PCDHGB4: variants seen among roughly 807,000 people sequenced by gnomAD.
PCDHGB4 encodes the protein protocadherin gamma-B4.
In PCDHGB4, 38 loss-of-function variants were observed where a neutral mutation model predicts 60.5. The ratio of observed to expected loss-of-function variants is 0.63; its 90% confidence interval spans 0.48 to 0.82. The LOEUF is 0.82. PCDHGB4 is among the 40% of genes least tolerant of loss of function. The pLI is 0.00. For synonymous variants in PCDHGB4, 456 were observed against 509.7 expected (o/e 0.89, Z 1.42); for missense variants, 1,109 against 1,209.6 (o/e 0.92, Z 1.23).
chr5:141,490,862 C>G lies in PCDHGB4; in HGVS notation c.2398-3945C>G. 1 of 1,613,878 alleles carries G rather than the reference C, an allele frequency of 6.2e-7. No homozygotes were observed. Among genetic ancestry groups the G allele is most frequent in the East Asian group, 2.2e-5 (1 of 44,874 alleles). ...GTGGTGGGGGTTCGAGACTCCGGCTCTCCCCCATTGCATGCCAACACATCT... is the reference window on the plus strand; with the variant it reads ...GTGGTGGGGGTTCGAGACTCCGGCTGTCCCCCATTGCATGCCAACACATCT... On this transcript the variant is annotated intron_variant, in intron 1 of 3. Coordinates refer to ENST00000519479, the MANE Select transcript of PCDHGB4 (RefSeq NM_003736.4). The surrounding 1 kb of genome is among the most constrained non-coding windows in gnomAD (Gnocchi z 5.4).
chr5:141,390,478 ATTTG>A (rs2092157792), intron 1 of PCDHGB4, 197 bp downstream of exon 1: 1 of 678,524 alleles, frequency 1.5e-6, no homozygotes, highest in Admixed American at 3.1e-5. Flanking sequence ...GTGGCCCAAC[ATTTG>A]TTTGTTTTTT....
chr5:141,451,676 G>A (rs1363843426), intron 1 of PCDHGB4, among the ~76,000 whole-genome samples: 1 of 152,142 alleles, frequency 6.6e-6, no homozygotes, highest in African/African-American at 2.4e-5. Flanking sequence ...GAGCCCAGGA[G>A]TTCAAGACCA....
chr5:141,477,059 A>T lies in PCDHGB4; in HGVS notation c.2398-17748A>T. The T allele has an allele frequency of 6.2e-7, 1 of 1,614,238 alleles. No homozygotes were observed. Among genetic ancestry groups the T allele is most frequent in the Non-Finnish European group, 8.5e-7 (1 of 1,180,036 alleles). ...CAAGGGTCGGCTGGACTTCGAGGAC[A>T]CCAAACTCCATGAGATTTACATCCA... On this transcript the variant is annotated intron_variant, in intron 1 of 3. Transcript: ENST00000519479. The surrounding 1 kb of genome is among the most constrained non-coding windows in gnomAD (Gnocchi z 4.9).
chr5:141,429,910 T>C (rs2097252047), intron 1 of PCDHGB4, among the ~76,000 whole-genome samples: 1 of 152,230 alleles, frequency 6.6e-6, no homozygotes, highest in East Asian at 1.9e-4. Context: ...TTTTGAAATA[T>C]AATGTATTAA....
chr5:141,459,939 G>A (rs377668643), intron 1 of PCDHGB4, among the ~76,000 whole-genome samples: 7 of 152,256 alleles, frequency 4.6e-5, no homozygotes, highest in Non-Finnish European at 7.4e-5. Flanking sequence ...GTAGCTGGGC[G>A]TGATGGCAGG....
intron 1 of PCDHGB4, among the ~76,000 whole-genome samples, chr5:141,455,997 A>C (rs1373055623): frequency 1.3e-5 from 2 of 151,626 alleles, no homozygotes. Context: ...TCTCGGGTTC[A>C]TGCCATTCTC....
chr5:141,428,124 C>T, intron 1 of PCDHGB4: 1 of 1,605,400 alleles, frequency 6.2e-7, no homozygotes, highest in South Asian at 1.1e-5. Context: ...CGAGCCCGGG[C>T]TTTTCAGCCT....
chr5:141,502,487 C>A (rs563658817), intron 2 of PCDHGB4, among the ~76,000 whole-genome samples: 1 of 152,182 alleles, frequency 6.6e-6, no homozygotes, highest in Non-Finnish European at 1.5e-5. Context: ...CACACTGGGA[C>A]TCATCTAACG....
intron 1 of PCDHGB4, among the ~76,000 whole-genome samples, chr5:141,448,796 T>G (rs1268643310): frequency 1.0e-4 from 15 of 150,106 alleles, no homozygotes; most frequent in Admixed American, 4.0e-4. Context: ...AAAAAAAAAA[T>G]TAGCCAGGCG....
At position 141,491,413 on chromosome 5, in the gene PCDHGB4, G is replaced by A. The variant is rs1193417991; in HGVS notation, c.2398-3394G>A. 5.6e-6 allele frequency: 9 copies of A among 1,613,946 alleles called. No individual in the cohort carries two copies. Among genetic ancestry groups the A allele is most frequent in the Non-Finnish European group, 7.6e-6 (9 of 1,179,986 alleles). On this transcript the variant is annotated intron_variant, in intron 1 of 3. Transcript: ENST00000519479. The surrounding 1 kb of genome is among the most constrained non-coding windows in gnomAD (Gnocchi z 6.9). Reference sequence around the variant, plus strand: ...CCTTCAGGGAAACGCAGACGGGGACGGGGGTGGAGGGCAGTGCTGCAGGCG... The same window carrying A: ...CCTTCAGGGAAACGCAGACGGGGACAGGGGTGGAGGGCAGTGCTGCAGGCG...
At chr5:141,395,234 T>C in intron 1 of PCDHGB4, 1 of 1,601,772 alleles carries the variant, frequency 6.2e-7, no homozygotes, top group Non-Finnish European at 8.5e-7. Flanking sequence ...CTGATCATGG[T>C]CAGGTGAGTT....
intron 1 of PCDHGB4, among the ~76,000 whole-genome samples, chr5:141,494,382 G>C (rs1311387598): frequency 6.6e-6 from 1 of 152,182 alleles, no homozygotes; most frequent in Non-Finnish European, 1.5e-5. Flanking sequence ...CCCAGCTGAG[G>C]AGTTGAATAA....
At chr5:141,499,287 C>T (rs896428388) in intron 2 of PCDHGB4, among the ~76,000 whole-genome samples, 3 of 152,184 alleles carry the variant, frequency 2.0e-5, no homozygotes, top group Non-Finnish European at 2.9e-5. Context: ...CTGATGGCTC[C>T]ACACTACCAT....
chr5:141,454,796 ATTTTTTTTTT>A (rs61612330), intron 1 of PCDHGB4, among the ~76,000 whole-genome samples: 11 of 77,458 alleles, frequency 1.4e-4, no homozygotes, highest in East Asian at 8.0e-4. Flanking sequence ...CATGGTTCTA[ATTTTTTTTTT>A]TTTTTTTTTT....
intron 1 of PCDHGB4, chr5:141,421,690 C>T: frequency 6.2e-7 from 1 of 1,613,948 alleles, no homozygotes. Context: ...GCGATTTGCT[C>T]TTCCTAATGC....
rs2154584583 is a variant in PCDHGB4, at chr5:141,490,717, A to G, written c.2398-4090A>G. The G allele has an allele frequency of 6.2e-7, 1 of 1,613,972 alleles. No individual in the cohort carries two copies. Among genetic ancestry groups the G allele is most frequent in the Non-Finnish European group, 8.5e-7 (1 of 1,179,936 alleles). On this transcript the variant is annotated intron_variant, in intron 1 of 3. Coordinates refer to ENST00000519479, the MANE Select transcript of PCDHGB4 (RefSeq NM_003736.4). The surrounding 1 kb of genome is among the most constrained non-coding windows in gnomAD (Gnocchi z 5.4). ...GGATAATGCCCGCCTCACCTACTCC[A>G]TTGTAGGAAATCAGGTTCAGGGAGC...
At chr5:141,479,200 AAAGT>A (rs1430087636) in intron 1 of PCDHGB4, 5 of 152,466 alleles carry the variant, frequency 3.3e-5, no homozygotes, top group African/African-American at 1.2e-4. Flanking sequence ...AAAATACAGA[AAAGT>A]ATTTAAAAAA....
At position 141,491,969 on chromosome 5, in the gene PCDHGB4, C is replaced by A; in HGVS notation, c.2398-2838C>A. ...CCCCTACACTCAAAAAAGGCCGGGGCCTCCTTCGAGCTTCCGGTGAATTTC... is the reference window on the plus strand; with the variant it reads ...CCCCTACACTCAAAAAAGGCCGGGGACTCCTTCGAGCTTCCGGTGAATTTC... On this transcript the variant is annotated intron_variant, in intron 1 of 3. Coordinates refer to ENST00000519479, the MANE Select transcript of PCDHGB4 (RefSeq NM_003736.4). The surrounding 1 kb of genome is among the most constrained non-coding windows in gnomAD (Gnocchi z 6.9). 1 of 898,714 alleles carries A rather than the reference C, an allele frequency of 1.1e-6. No individual in the cohort carries two copies. Among genetic ancestry groups the A allele is most frequent in the Non-Finnish European group, 1.6e-6 (1 of 629,384 alleles). 55.7% of individuals were successfully genotyped at this position (898,714 alleles called of 1,614,324 possible). A position where few individuals can be genotyped will look rare whatever the true frequency, so the allele number is the denominator to read the frequency against.
At chr5:141,422,281 T>C in intron 1 of PCDHGB4, 1 of 1,557,044 alleles carries the variant, frequency 6.4e-7, no homozygotes, top group Middle Eastern at 1.7e-4. Context: ...AACTATCACC[T>C]CTTCTATTAA....
Sources: gnomAD v4.1 joint callset for allele counts (sites outside exome capture counted in the v4.1 genomes callset) on GRCh38, gnomAD v4.1.1 for gene constraint, Gnocchi (gnomAD v3.1) non-coding constraint, MANE v1.5 for transcripts, NCBI Gene and HGNC (gene_info 2026-07-23, HGNC 2026-07-21) for gene names.